Variants in CCDC7 observed in about 807,000 individuals in gnomAD.
The protein encoded by CCDC7 is coiled-coil domain containing 7.
A neutral mutation model predicts 196.9 loss-of-function variants in CCDC7; 183 were observed. The observed-to-expected ratio is 0.93, with a 90% confidence interval of 0.82 to 1.05. CCDC7 has a LOEUF of 1.05. CCDC7 is among the 50% of genes least tolerant of loss of function. The pLI is 0.00. For missense variants in CCDC7, 1,540 were observed against 1,482.2 expected (o/e 1.04, Z -0.64); for synonymous variants, 525 against 484.6 (o/e 1.08, Z -1.10).
At chr10:32,514,227 G>C (rs912275707) in intron 9 of CCDC7, 2 of 152,140 alleles carry the variant, frequency 1.3e-5, no homozygotes. Flanking sequence ...ATATGTTGAA[G>C]TTCTCACCCC....
At chr10:32,746,514 G>A (rs1346863921) in intron 28 of CCDC7, among the ~76,000 whole-genome samples, 2 of 152,186 alleles carry the variant, frequency 1.3e-5, no homozygotes, top group African/African-American at 4.8e-5. Flanking sequence ...TTCTCTAGGT[G>A]GCTTTGACCT....
chr10:32,779,202 A>G, intron 29 of CCDC7, 118 bp downstream of exon 30: 1 of 722,278 alleles, frequency 1.4e-6, no homozygotes, highest in Non-Finnish European at 2.2e-6. Flanking sequence ...TTCTCAACTT[A>G]AGTTCATTCT....
chr10:32,639,881 T>G (rs934463306), intron 20 of CCDC7, among the ~76,000 whole-genome samples: 17 of 152,160 alleles, frequency 1.1e-4, no homozygotes, highest in Admixed American at 4.6e-4. Context: ...CCTCCCAAAT[T>G]GCTGGGATTA....
chr10:32,517,971 A>G, exon 10 of CCDC7: 1 of 1,587,808 alleles, frequency 6.3e-7, no homozygotes, highest in South Asian at 1.1e-5. Context: ...GTTTTGTTAG[A>G]TGCTGTAAGT....
exon 27 of CCDC7, chr10:32,728,967 C>A: frequency 1.2e-6 from 2 of 1,602,182 alleles, no homozygotes; most frequent in East Asian, 2.2e-5. Context: ...AGAAAAGAAA[C>A]AAATAAATTC....
chr10:32,615,601 A>G (rs1167920251), intron 18 of CCDC7, among the ~76,000 whole-genome samples: 1 of 151,560 alleles, frequency 6.6e-6, no homozygotes, highest in African/African-American at 2.4e-5. Context: ...ATTTACAAGT[A>G]TTTTTTTCTT....
intron 27 of CCDC7, 38 bp from the exon 29 acceptor site, chr10:32,729,294 C>T (rs761945153): frequency 6.6e-7 from 1 of 1,509,236 alleles, no homozygotes; most frequent in Non-Finnish European, 8.9e-7. Context: ...CTTGGCATAT[C>T]CAGAAGTTCT....
intron 20 of CCDC7, among the ~76,000 whole-genome samples, chr10:32,648,905 C>T (rs2068227212): frequency 6.6e-6 from 1 of 151,988 alleles, no homozygotes; most frequent in Non-Finnish European, 1.5e-5. Context: ...ATGGAATTAA[C>T]CTAAATACCT....
At chr10:32,653,689 G>T (rs2069210525) in intron 20 of CCDC7, among the ~76,000 whole-genome samples, 1 of 152,030 alleles carries the variant, frequency 6.6e-6, no homozygotes, top group Admixed American at 6.5e-5. Flanking sequence ...TCAGCCAAAG[G>T]AAAAATCTTA....
intron 11 of CCDC7, among the ~76,000 whole-genome samples, chr10:32,538,160 T>C (rs1463930229): frequency 6.6e-6 from 1 of 152,200 alleles, no homozygotes; most frequent in Non-Finnish European, 1.5e-5. Context: ...TGTCATCTGA[T>C]TTCTTTGAGC....
chr10:32,737,637 T>C (rs757536148), intron 28 of CCDC7, among the ~76,000 whole-genome samples: 1 of 152,194 alleles, frequency 6.6e-6, no homozygotes, highest in Non-Finnish European at 1.5e-5. Flanking sequence ...AGGCTGCAAA[T>C]ATAATGAATT....
rs188643475 is a variant in CCDC7, at chr10:32,740,203, C to G, written c.2905+10746C>G. 7.6e-4 allele frequency among the ~76,000 whole-genome samples: 115 copies of G among 152,098 alleles called. 1 individual carries two copies. The highest frequency in any genetic ancestry group is 9.7e-4 in the Non-Finnish European group (66 of 67,996). On this transcript the variant is annotated intron_variant, in intron 28 of 41. Transcript: ENST00000639629. ...GTTGGATATTTCCTTTCCCCCAGGT[C>G]TATATTGTATAATAAAGCCTGTGTT... is the stretch of plus-strand genomic sequence containing the variant.
chr10:32,661,364 A>C (rs559338536), intron 20 of CCDC7, among the ~76,000 whole-genome samples: 217 of 151,930 alleles, frequency 1.4e-3, no homozygotes, highest in Middle Eastern at 0.014. Context: ...ACACTTTTAC[A>C]CTGTTGGTGG....
chr10:32,858,057 A>G (rs1036121469), intron 41 of CCDC7, among the ~76,000 whole-genome samples: 1 of 123,604 alleles, frequency 8.1e-6, no homozygotes, highest in African/African-American at 2.6e-5. Flanking sequence ...AAAAAATATA[A>G]GCTACCAAGA....
chr10:32,699,844 A>T (rs1403492478), intron 24 of CCDC7, among the ~76,000 whole-genome samples: 1 of 149,582 alleles, frequency 6.7e-6, no homozygotes, highest in Non-Finnish European at 1.5e-5. Flanking sequence ...TGACTGCATA[A>T]ATGTCTTCTT....
chr10:32,779,037 C>G (rs991015708), exon 29 of CCDC7: 6 of 1,550,064 alleles, frequency 3.9e-6, no homozygotes, highest in Non-Finnish European at 5.2e-6. Context: ...GCAATGTACC[C>G]GTCAATTAGC....
chr10:32,876,267 G>C lies in CCDC7; in HGVS notation c.4112-80G>C, dbSNP rs999232432. Reference sequence around the variant, plus strand: ...ATTATTCATACATTCTGTTTTCCATGATATCATATACAATAAAAATTATAT... The same window carrying C: ...ATTATTCATACATTCTGTTTTCCATCATATCATATACAATAAAAATTATAT... On this transcript the variant is annotated intron_variant, in intron 41 of 41. Transcript: ENST00000639629. 7.9e-6 allele frequency: 8 copies of C among 1,011,840 alleles called. No homozygotes were observed. In the Admixed American group the frequency reaches 1.8e-4, roughly 23 times the overall value. 62.7% of individuals were successfully genotyped at this position (1,011,840 alleles called of 1,614,324 possible).
chr10:32,723,713 C>G (rs182116465), intron 25 of CCDC7, among the ~76,000 whole-genome samples: 1 of 152,166 alleles, frequency 6.6e-6, no homozygotes, highest in Non-Finnish European at 1.5e-5. Context: ...AGATGACACT[C>G]TCACTAAGTT....
intron 5 of CCDC7, among the ~76,000 whole-genome samples, chr10:32,465,167 C>T (rs2036504770): frequency 6.6e-6 from 1 of 150,890 alleles, no homozygotes; most frequent in Non-Finnish European, 1.5e-5. Context: ...AAAGATTAAT[C>T]TGGGCACTCT....
Sources: allele counts gnomAD v4.1 joint callset (sites outside exome capture counted in the v4.1 genomes callset), GRCh38; gene constraint gnomAD v4.1.1; transcripts MANE v1.5; gene names NCBI Gene and HGNC (gene_info 2026-07-23, HGNC 2026-07-21).